Variants in NAV3 observed in about 807,000 individuals in gnomAD.
NAV3 encodes the protein neuron navigator 3, also known as pore membrane and/or filament interacting like protein 1.
Under a neutral mutation model 244.7 loss-of-function variants are expected in NAV3, and 87 were observed. That is an observed-to-expected ratio of 0.36 (90% CI 0.30 to 0.42). The LOEUF (loss-of-function observed/expected upper bound fraction) is 0.42. Among genes scored for constraint, NAV3 ranks in the 20% least tolerant of loss-of-function variants. The pLI is 1.00. For missense variants in NAV3, 2,663 were observed against 2,893.3 expected (o/e 0.92, Z 1.83); for synonymous variants, 1,126 against 1,042.2 (o/e 1.08, Z -1.55).
intron 12 of NAV3, among the ~76,000 whole-genome samples, chr12:78,072,730 C>CA (rs1451118016): frequency 1.4e-5 from 2 of 143,778 alleles, no homozygotes; most frequent in African/African-American, 5.1e-5. Flanking sequence ...AGAGACACCA[C>CA]AAAAAAAGAG....
At chr12:77,656,433 T>C (rs1476200840) in intron 2 of NAV3, among the ~76,000 whole-genome samples, 2 of 121,862 alleles carry the variant, frequency 1.6e-5, no homozygotes, top group Non-Finnish European at 3.3e-5. Flanking sequence ...ATGCACCCAA[T>C]ACAGGAGCAC....
rs1480877033 is a variant in NAV3 at position 78,035,903 on chromosome 12, A to T, written c.2023+14041A>T. ...ATGCTTCATTTTTTAGGTCCTTTACACTCTTGAATTTGATTTGTGCTTTTA... is the reference window on the plus strand; with the variant it reads ...ATGCTTCATTTTTTAGGTCCTTTACTCTCTTGAATTTGATTTGTGCTTTTA... On this transcript the variant is annotated intron_variant, in intron 9 of 39. Coordinates refer to ENST00000397909, the MANE Select transcript of NAV3 (RefSeq NM_001024383.2). Among the ~76,000 whole-genome samples the T allele has an allele frequency of 3.3e-5, 5 of 152,082 alleles. No individual in the cohort carries two copies. The East Asian group carries it at 5.8e-4, about 18-fold the overall frequency.
At chr12:77,639,281 C>T (rs890531005) in intron 2 of NAV3, among the ~76,000 whole-genome samples, 1 of 152,134 alleles carries the variant, frequency 6.6e-6, no homozygotes, top group Admixed American at 6.5e-5. Context: ...GTCAGGTGTA[C>T]TTGTCTAAGT....
At chr12:78,154,191 ATATT>A (rs1229999527) in intron 22 of NAV3, among the ~76,000 whole-genome samples, 2 of 144,640 alleles carry the variant, frequency 1.4e-5, no homozygotes, top group Non-Finnish European at 3.0e-5. Context: ...ATAAAATACT[ATATT>A]ATATATACTC....
At chr12:78,045,638 T>C (rs1361297185) in intron 9 of NAV3, among the ~76,000 whole-genome samples, 3 of 152,156 alleles carry the variant, frequency 2.0e-5, no homozygotes, top group Non-Finnish European at 4.4e-5. Flanking sequence ...TTTGCCAGTA[T>C]GTGATTGTGG....
chr12:77,718,259 C>T (rs956912640), intron 2 of NAV3, among the ~76,000 whole-genome samples: 1 of 152,064 alleles, frequency 6.6e-6, no homozygotes, highest in South Asian at 2.1e-4. Flanking sequence ...GTACTGTGTA[C>T]AATAAGGCTC....
chr12:77,824,911 ACAAC>A (rs1337682876), intron 2 of NAV3, among the ~76,000 whole-genome samples: 2 of 116,334 alleles, frequency 1.7e-5, no homozygotes, highest in Admixed American at 1.6e-4. Flanking sequence ...AACAACAACA[ACAAC>A]AACAACAACA....
At chr12:77,765,952 T>C (rs1232369110) in intron 2 of NAV3, among the ~76,000 whole-genome samples, 1 of 152,084 alleles carries the variant, frequency 6.6e-6, no homozygotes, top group Non-Finnish European at 1.5e-5. Flanking sequence ...AAGTGAGAAA[T>C]GTGAAATTAT....
intron 2 of NAV3, among the ~76,000 whole-genome samples, chr12:77,815,801 G>A (rs1416793975): frequency 6.6e-6 from 1 of 152,086 alleles, no homozygotes; most frequent in Non-Finnish European, 1.5e-5. Context: ...CTATCAAAAT[G>A]AGAACTTGGG....
intron 2 of NAV3, among the ~76,000 whole-genome samples, chr12:77,780,422 C>T (rs1379139435): frequency 2.0e-5 from 3 of 152,114 alleles, no homozygotes; most frequent in Non-Finnish European, 4.4e-5. Flanking sequence ...ACAAGCGAGA[C>T]AGATTTTATT....
chr12:78,128,267 T>TAAAATAA (rs1956008884), intron 17 of NAV3, among the ~76,000 whole-genome samples: 1 of 142,532 alleles, frequency 7.0e-6, no homozygotes. Context: ...GTTTTTCCTT[T>TAAAATAA]AAAAAAAAAA....
chr12:77,706,834 G>T (rs1340941884), intron 2 of NAV3, among the ~76,000 whole-genome samples: 1 of 121,088 alleles, frequency 8.3e-6, no homozygotes, highest in African/African-American at 3.3e-5. Flanking sequence ...TAGTGCCACT[G>T]CACTCCAGCC....
chr12:78,132,235 A>G (rs963136314), intron 18 of NAV3, among the ~76,000 whole-genome samples: 2 of 152,184 alleles, frequency 1.3e-5, no homozygotes, highest in African/African-American at 4.8e-5. Flanking sequence ...TGAAATGTGA[A>G]TTATACTTTT....
chr12:78,079,017 A>G (rs1486709126), intron 12 of NAV3, among the ~76,000 whole-genome samples: 1 of 152,248 alleles, frequency 6.6e-6, no homozygotes, highest in East Asian at 1.9e-4. Flanking sequence ...CAAAAGGCTT[A>G]TACACAAATA....
intron 12 of NAV3, among the ~76,000 whole-genome samples, chr12:78,077,853 G>C (rs914342068): frequency 6.6e-6 from 1 of 152,168 alleles, no homozygotes; most frequent in East Asian, 1.9e-4. Flanking sequence ...CAGGAGAATC[G>C]CTTGAACCTG....
At chr12:78,170,971 T>A (rs1169827172) in intron 24 of NAV3, among the ~76,000 whole-genome samples, 1 of 151,754 alleles carries the variant, frequency 6.6e-6, no homozygotes, top group Non-Finnish European at 1.5e-5. Flanking sequence ...AGAGCTTGTT[T>A]TTTCACCCTT....
chr12:77,836,660 T>G (rs1874692203), intron 1 of NAV3, among the ~76,000 whole-genome samples: 1 of 151,890 alleles, frequency 6.6e-6, no homozygotes, highest in South Asian at 2.1e-4. Flanking sequence ...TCTATGTTAT[T>G]TTATTTATAC....
At chr12:77,927,164 A>C (rs993524989) in intron 1 of NAV3, among the ~76,000 whole-genome samples, 1 of 152,214 alleles carries the variant, frequency 6.6e-6, no homozygotes, top group African/African-American at 2.4e-5. Flanking sequence ...GTTTTTTAAA[A>C]CATACTGTGT....
intron 3 of NAV3, among the ~76,000 whole-genome samples, chr12:77,961,733 A>T (rs566766896): frequency 1.6e-3 from 234 of 149,012 alleles, no homozygotes; most frequent in Middle Eastern, 3.6e-3. Context: ...TATGTAATAT[A>T]TGATTAAAGT....
Sources: allele counts gnomAD v4.1 joint callset (sites outside exome capture counted in the v4.1 genomes callset), GRCh38; gene constraint gnomAD v4.1.1; transcripts MANE v1.5; gene names NCBI Gene and HGNC (gene_info 2026-07-23, HGNC 2026-07-21).